Variants in TMEM253 observed in about 807,000 individuals in gnomAD.
TMEM253 encodes transmembrane protein C14orf176.
TMEM253 carries 22 observed loss-of-function variants against 20.3 expected under a neutral mutation model. The observed-to-expected ratio is 1.08, with a 90% CI of 0.78 to 1.55. The LOEUF is 1.55. TMEM253 is among the 40% of genes most tolerant of loss of function. The pLI, the probability that TMEM253 is intolerant of heterozygous loss-of-function variation, is 0.00. For missense variants in TMEM253, 251 were observed against 266.1 expected (o/e 0.94, Z 0.39); for synonymous variants, 92 against 102.6 (o/e 0.90, Z 0.62).
At chr14:21,099,148 G>A (rs1414550399), upstream of TMEM253, 1 of 206,630 alleles carries the variant, frequency 4.8e-6, no homozygotes, top group African/African-American at 2.3e-5. Context: ...TGAGGGATGA[G>A]AAAGAAGTGG....
chr14:21,101,530 G>A, intron 2 of TMEM253, 79 bp downstream of exon 2: 7 of 1,326,046 alleles, frequency 5.3e-6, no homozygotes, highest in Non-Finnish European at 7.3e-6. Flanking sequence ...ATCCATCCAT[G>A]TTAAGTGAGC....
chr14:21,102,700 T>C, exon 6 of TMEM253: 1 of 1,551,570 alleles, frequency 6.4e-7, no homozygotes, highest in Non-Finnish European at 8.7e-7. Context: ...CTGGTCTCAG[T>C]GCACGCCCTA....
Position 21,102,058 on chromosome 14 carries a change from A to T in TMEM253, c.220-6A>T. 1 of 1,551,322 alleles carries T rather than the reference A, an allele frequency of 6.4e-7. No individual in the cohort carries two copies. Among genetic ancestry groups the T allele is most frequent in the Non-Finnish European group, 8.7e-7 (1 of 1,146,756 alleles). The stretch of plus-strand genomic sequence containing the variant: ...GAGCTCAACACTTGCCCTTCTCACC[A>T]TTCAGGGTCTCCTCACTGGGACTGT... On this transcript the variant is annotated splice_region_variant and splice_polypyrimidine_tract_variant and intron_variant, in intron 3 of 6. Transcript: ENST00000556585.
exon 7 of TMEM253, chr14:21,103,530 T>C (rs530261781): frequency 3.4e-5 from 15 of 438,786 alleles, no homozygotes; most frequent in African/African-American, 2.8e-4. Context: ...GCACTTTTCT[T>C]TTCTGTCCAC....
chr14:21,100,368 A>ATAT (rs1343516176), upstream of TMEM253, among the ~76,000 whole-genome samples: 2 of 104,622 alleles, frequency 1.9e-5, no homozygotes, highest in African/African-American at 2.7e-5. Flanking sequence ...TGTCTCAATA[A>ATAT]TATAATAATA....
chr14:21,101,179 G>C, exon 1 of TMEM253: 1 of 602,724 alleles, frequency 1.7e-6, no homozygotes, highest in Non-Finnish European at 2.9e-6. Context: ...AGCTGCTTCA[G>C]ACTAGGTAGG....
exon 3 of TMEM253, chr14:21,101,879 G>C (rs996873083): frequency 5.8e-6 from 9 of 1,551,406 alleles, no homozygotes; most frequent in African/African-American, 1.4e-5. Flanking sequence ...GCCAGCTATG[G>C]CTGGCAGTGG....
upstream of TMEM253, among the ~76,000 whole-genome samples, chr14:21,100,369 T>TATTATA (rs71419103): frequency 3.3e-5 from 5 of 149,324 alleles, no homozygotes; most frequent in Admixed American, 2.7e-4. Flanking sequence ...GTCTCAATAA[T>TATTATA]ATAATAATAA....
intron 3 of TMEM253, 37 bp from the exon 4 acceptor site, chr14:21,102,027 G>A (rs1889670932): frequency 6.4e-7 from 1 of 1,550,458 alleles, no homozygotes; most frequent in Admixed American, 2.0e-5. Flanking sequence ...CTTCCTAACG[G>A]GACCAGAGCT....
Position 21,101,893 on chromosome 14 carries a change from T to C in TMEM253, c.137T>C (p.Val46Ala), listed in dbSNP as rs1369831149. ...AGCCAGCTATGGCTGGCAGTGGTTG[T>C]GGTGCCCCTTGCTGTCTCAGTCGCC... Residue 46 changes from valine (V) to alanine (A), a missense_variant, in exon 3 of 7, where the codon GTG becomes GCG. Val to Ala is a moderately conservative substitution (Grantham distance 64, BLOSUM62 0). Coordinates refer to ENST00000556585, the Ensembl canonical transcript of TMEM253. 16 of 1,551,566 alleles carry C rather than the reference T, an allele frequency of 1.0e-5. No individual in the cohort carries two copies. In the Admixed American group the frequency reaches 3.1e-4, roughly 30 times the overall value.
chr14:21,101,858 C>T lies in TMEM253; in HGVS notation c.109-7C>T. ...TTCCTCCCCAATTACCCTACCCTTA[C>T]CCCCAGGTGAGCCAGCTATGGCTGG... On this transcript the variant is annotated splice_region_variant and splice_polypyrimidine_tract_variant and intron_variant, in intron 2 of 6. Coordinates refer to ENST00000556585, the Ensembl canonical transcript of TMEM253. 6.4e-7 allele frequency: 1 copy of T among 1,550,600 alleles called. No homozygotes were observed. The highest frequency in any genetic ancestry group is 1.2e-5 in the South Asian group (1 of 84,024).
intron 2 of TMEM253, 98 bp downstream of exon 2, chr14:21,101,549 T>C (rs1889631782): frequency 1.5e-5 from 17 of 1,158,566 alleles, no homozygotes; most frequent in Non-Finnish European, 2.1e-5. Flanking sequence ...GCACCTACCA[T>C]GTGCCAGAAA....
chr14:21,103,382 C>T, exon 7 of TMEM253: 1 of 1,420,188 alleles, frequency 7.0e-7, no homozygotes, highest in Non-Finnish European at 9.2e-7. Context: ...GCCCTTTTTT[C>T]GTTCCTTCCC....
chr14:21,101,476 G>T, intron 2 of TMEM253, 25 bp downstream of exon 2: 3 of 1,542,098 alleles, frequency 1.9e-6, no homozygotes, highest in Non-Finnish European at 1.8e-6. Flanking sequence ...CCCCATCCCA[G>T]GTCTCAGCAT....
chr14:21,102,127 G>C lies in TMEM253; in HGVS notation c.276+7G>C. 1.3e-6 allele frequency: 2 copies of C among 1,550,366 alleles called. No homozygotes were observed. Among genetic ancestry groups the C allele is most frequent in the Non-Finnish European group, 1.7e-6 (2 of 1,146,286 alleles). On this transcript the variant is annotated splice_region_variant and intron_variant, in intron 4 of 6. Coordinates refer to ENST00000556585, the Ensembl canonical transcript of TMEM253. Reference sequence around the variant, plus strand: ...AGCACCCCGCCTTTGGAAGGTGAGAGGGAAGAAAACGCAGCACTGTCCTCC... The same window carrying C: ...AGCACCCCGCCTTTGGAAGGTGAGACGGAAGAAAACGCAGCACTGTCCTCC...
At chr14:21,101,450 C>A in exon 2 of TMEM253, 1 of 1,551,274 alleles carries the variant, frequency 6.4e-7, no homozygotes. Context: ...TTGGTGCTAG[C>A]GGTGAGGCCA....
At chr14:21,102,070 C>G (rs2139350338) in exon 4 of TMEM253, 1 of 1,551,440 alleles carries the variant, frequency 6.4e-7, no homozygotes, top group South Asian at 1.2e-5. Context: ...TCAGGGTCTC[C>G]TCACTGGGAC....
chr14:21,100,883 A>G (rs1231917450), upstream of TMEM253, among the ~76,000 whole-genome samples: 1 of 152,234 alleles, frequency 6.6e-6, no homozygotes, highest in Non-Finnish European at 1.5e-5. Context: ...GATAGTGTCC[A>G]TGGGGATGAG....
At chr14:21,103,721 G>C (rs1270511468) in exon 7 of TMEM253, 5 of 155,976 alleles carry the variant, frequency 3.2e-5, no homozygotes, top group African/African-American at 1.2e-4. Flanking sequence ...TTCTCTCCGC[G>C]GTAGGGGCGC....
Sources: gnomAD v4.1 joint callset for allele counts (sites outside exome capture counted in the v4.1 genomes callset) on GRCh38, gnomAD v4.1.1 for gene constraint, MANE v1.5 for transcripts, NCBI Gene and HGNC (gene_info 2026-07-23, HGNC 2026-07-21) for gene names.